GRM5: variants seen among roughly 807,000 people sequenced by gnomAD.
The protein encoded by GRM5 is glutamate metabotropic receptor 5.
A neutral mutation model predicts 83.1 loss-of-function variants in GRM5; 19 were observed. That is an observed-to-expected ratio of 0.23 (90% CI 0.16 to 0.34). The LOEUF (loss-of-function observed/expected upper bound fraction) is 0.34. GRM5 is among the 10% of genes least tolerant of loss of function. The pLI, the probability that GRM5 is intolerant of heterozygous loss-of-function variation, is 1.00. For synonymous variants in GRM5, 675 were observed against 633.6 expected (o/e 1.07, Z -0.98); for missense variants, 1,160 against 1,588.3 (o/e 0.73, Z 4.58).
chr11:88,766,465 T>C (rs1294377320), intron 3 of GRM5, among the ~76,000 whole-genome samples: 3 of 151,820 alleles, frequency 2.0e-5, no homozygotes, highest in African/African-American at 7.2e-5. Context: ...GAATGAACTC[T>C]ATTCACTTAA....
intron 3 of GRM5, among the ~76,000 whole-genome samples, chr11:88,735,784 G>A (rs1282907711): frequency 6.6e-6 from 1 of 152,022 alleles, no homozygotes; most frequent in African/African-American, 2.4e-5. Context: ...CCGTTCGGGA[G>A]ACATTGACTG....
chr11:88,787,097 G>A (rs1356390403), intron 3 of GRM5, among the ~76,000 whole-genome samples: 1 of 151,020 alleles, frequency 6.6e-6, no homozygotes, highest in Non-Finnish European at 1.5e-5. Context: ...AAAACAAGCA[G>A]ATATCTTTAT....
intron 2 of GRM5, among the ~76,000 whole-genome samples, chr11:88,950,553 T>C (rs951409194): frequency 1.3e-5 from 2 of 152,166 alleles, no homozygotes; most frequent in African/African-American, 2.4e-5. Context: ...GTGAAAACTA[T>C]TGAAAATAAT....
At chr11:88,676,024 A>G (rs528364323) in intron 3 of GRM5, among the ~76,000 whole-genome samples, 1 of 152,170 alleles carries the variant, frequency 6.6e-6, no homozygotes, top group Admixed American at 6.6e-5. Flanking sequence ...TCTTGGATAA[A>G]AACCCTAAGG....
intron 8 of GRM5, among the ~76,000 whole-genome samples, chr11:88,550,968 A>G (rs1942494296): frequency 6.6e-6 from 1 of 152,094 alleles, no homozygotes; most frequent in Non-Finnish European, 1.5e-5. Context: ...ACATGTCTCA[A>G]CTTCCTTACT....
At chr11:88,990,561 A>G (rs1485437431) in intron 2 of GRM5, among the ~76,000 whole-genome samples, 1 of 150,670 alleles carries the variant, frequency 6.6e-6, no homozygotes, top group Non-Finnish European at 1.5e-5. Context: ...CACAACCAAA[A>G]AAGAGAATTT....
intron 3 of GRM5, among the ~76,000 whole-genome samples, chr11:88,755,780 G>A (rs980256289): frequency 2.0e-5 from 3 of 152,112 alleles, no homozygotes; most frequent in Non-Finnish European, 2.9e-5. Flanking sequence ...AGCTGCCCTT[G>A]AGAATATTGA....
At chr11:89,033,175 C>G (rs1239705975) in intron 2 of GRM5, among the ~76,000 whole-genome samples, 1 of 151,950 alleles carries the variant, frequency 6.6e-6, no homozygotes, top group Non-Finnish European at 1.5e-5. Context: ...AACATTAGTA[C>G]AGAAAGTGCA....
rs1347019526 is a variant in GRM5 at position 88,507,028 on chromosome 11, A to T, written c.*1564T>A. On this transcript the variant is annotated 3_prime_UTR_variant, in exon 10 of 10. Transcript: ENST00000305447. ...CCTCCATTTATTACTATCCTTATTT[A>T]AAAATCAAAACATTTGGTACCTGAG... The T allele has an allele frequency of 6.7e-6, 1 of 149,768 alleles. No homozygotes were observed. Among genetic ancestry groups the T allele is most frequent in the African/African-American group, 2.6e-5 (1 of 39,152 alleles). The allele number at this position is 149,768 out of a possible 1,614,324, so 9.3% of individuals were successfully genotyped here. A position where few individuals can be genotyped will look rare whatever the true frequency, so the allele number is the denominator to read the frequency against.
intron 7 of GRM5, among the ~76,000 whole-genome samples, chr11:88,589,073 C>A (rs1399284134): frequency 6.6e-6 from 1 of 152,054 alleles, no homozygotes. Context: ...CTTAGCCATG[C>A]AAGTTAGTTG....
chr11:89,050,735 A>G (rs561419864), intron 1 of GRM5, among the ~76,000 whole-genome samples: 1 of 152,232 alleles, frequency 6.6e-6, no homozygotes, highest in Non-Finnish European at 1.5e-5. Context: ...AGACTGGATA[A>G]AGAAAATGTG....
At chr11:88,951,265 T>C (rs1330374635) in intron 2 of GRM5, among the ~76,000 whole-genome samples, 1 of 152,230 alleles carries the variant, frequency 6.6e-6, no homozygotes, top group African/African-American at 2.4e-5. Context: ...TTTTACAATG[T>C]TTTACTGTAA....
chr11:88,617,454 A>T (rs1320920053), intron 4 of GRM5, among the ~76,000 whole-genome samples: 1 of 152,332 alleles, frequency 6.6e-6, no homozygotes, highest in African/African-American at 2.4e-5. Flanking sequence ...AAGCAGCCAA[A>T]TCGTGGAACT....
intron 9 of GRM5, among the ~76,000 whole-genome samples, chr11:88,517,110 G>A (rs185782505): frequency 2.1e-5 from 3 of 143,132 alleles, no homozygotes; most frequent in Admixed American, 7.2e-5. Context: ...TCTTACAATT[G>A]TAATATATTG....
At position 89,023,507 on chromosome 11, in the gene GRM5, C is replaced by T. The variant is rs1421809699; in HGVS notation, c.661+23705G>A. ...CAGGGTCTTTCCTTGTCCAGCCATG[C>T]GTGTTCATCATTTCCTTAGTATTTT... is the stretch of plus-strand genomic sequence containing the variant. On this transcript the variant is annotated intron_variant, in intron 2 of 9. Coordinates refer to ENST00000305447, the MANE Select transcript of GRM5 (RefSeq NM_001143831.3). 2.6e-5 allele frequency among the ~76,000 whole-genome samples: 4 copies of T among 151,926 alleles called. No individual in the cohort carries two copies. The East Asian group carries it at 5.8e-4, about 22-fold the overall frequency.
chr11:89,044,839 C>G (rs1461154708), intron 2 of GRM5, among the ~76,000 whole-genome samples: 2 of 148,160 alleles, frequency 1.3e-5, no homozygotes, highest in Non-Finnish European at 3.0e-5. Context: ...TCTGAAAAAC[C>G]AAGTGGGGAG....
chr11:88,854,039 A>G lies in GRM5; in HGVS notation c.662-3884T>C, dbSNP rs1290644769. ...CCAAGTTATATCCATCAACAGATAA[A>G]TGAATTAAAAAATGTGGTGTATATA... On this transcript the variant is annotated intron_variant, in intron 2 of 9. Transcript: ENST00000305447. 2.5e-5 allele frequency among the ~76,000 whole-genome samples: 3 copies of G among 118,200 alleles called. No homozygotes were observed. In the East Asian group the frequency reaches 7.8e-4, roughly 31 times the overall value. The allele number at this position is 118,200 out of a possible 152,430, so 77.5% of individuals were successfully genotyped here. A position where few individuals can be genotyped will look rare whatever the true frequency, so the allele number is the denominator to read the frequency against.
At chr11:88,820,261 A>C (rs979384876) in intron 3 of GRM5, among the ~76,000 whole-genome samples, 19 of 150,236 alleles carry the variant, frequency 1.3e-4, no homozygotes, top group Non-Finnish European at 2.4e-4. Context: ...GGTGGCGCAC[A>C]CCTGTAATCC....
intron 3 of GRM5, among the ~76,000 whole-genome samples, chr11:88,779,037 ATT>A (rs1195822583): frequency 6.6e-6 from 1 of 152,210 alleles, no homozygotes; most frequent in Non-Finnish European, 1.5e-5. Context: ...ATAATTTATT[ATT>A]GAGTTTAATT....
Sources: gnomAD v4.1 joint callset for allele counts (sites outside exome capture counted in the v4.1 genomes callset) on GRCh38, gnomAD v4.1.1 for gene constraint, MANE v1.5 for transcripts, NCBI Gene and HGNC (gene_info 2026-07-23, HGNC 2026-07-21) for gene names.